FAT1: variants seen among roughly 807,000 people sequenced by gnomAD.
FAT1 encodes FAT atypical cadherin 1.
In FAT1, 171 loss-of-function variants were observed where a neutral mutation model predicts 329.8. That is an observed-to-expected ratio of 0.52 (90% CI 0.46 to 0.59). FAT1 has a LOEUF of 0.59. FAT1 is among the 20% of genes least tolerant of loss of function. The pLI, the probability that FAT1 is intolerant of heterozygous loss-of-function variation, is 0.00. For missense variants in FAT1, 5,672 were observed against 5,774.4 expected, an observed-to-expected ratio of 0.98 and a Z score of 0.57; for synonymous variants, 2,233 against 2,228.6, an observed-to-expected ratio of 1.00 and a Z score of -0.06.
Position 186,709,193 on chromosome 4 carries a change from T to A in FAT1, c.635A>T (p.Tyr212Phe), listed in dbSNP as rs61747592. 1.6e-4 allele frequency: 261 copies of A among 1,613,978 alleles called. No individual in the cohort carries two copies. In the African/African-American group the frequency reaches 3.2e-3, roughly 20 times the overall value. ...CATCTCATAGAGCTTGGTCTCTAGGTAATCAAGTCTACCAGTTAACACTAT... is the reference window on the plus strand; with the variant it reads ...CATCTCATAGAGCTTGGTCTCTAGGAAATCAAGTCTACCAGTTAACACTAT... The part of the protein sequence containing the change: ...GVIVLTGRLD[Y>F]LETKLYEMEI... The change falls in exon 2 of 27, where the codon TAC becomes TTC. Residue 212 changes from tyrosine to phenylalanine, a missense_variant. Physicochemically the swap from Tyr to Phe is conservative, Grantham distance 22. This residue lies in a region of FAT1 where 3,966 missense variants were observed against 3,915.2 expected (regional missense o/e 1.01). Coordinates refer to ENST00000441802, the MANE Select transcript of FAT1 (RefSeq NM_005245.4).
chr4:186,633,644 C>A (rs764183489), intron 7 of FAT1, 40 bp downstream of exon 7: 18 of 1,611,686 alleles, frequency 1.1e-5, no homozygotes, highest in Non-Finnish European at 1.5e-5. Context: ...ACGTTATCTC[C>A]ATCCTCCTCT....
At chr4:186,698,987 C>G (rs1356396235) in intron 2 of FAT1, among the ~76,000 whole-genome samples, 1 of 152,228 alleles carries the variant, frequency 6.6e-6, no homozygotes, top group Non-Finnish European at 1.5e-5. Flanking sequence ...ATATTTCCAT[C>G]ATTTGTCGTG....
chr4:186,611,461 C>A lies in FAT1; in HGVS notation c.9778G>T (p.Glu3260Ter), dbSNP rs2126466997. ...GAGTAGGTGATTTCTGCATTTGCTT[C>A]AATATCCCGACTTGCTGCATACACT... ...LQVYAASRDIEANAEITYSII... is the reference protein window; with the variant it reads ...LQVYAASRDI Residue 3260 changes from glutamate (E) to a stop codon, truncating the protein, a stop_gained, in exon 14 of 27, where the codon GAA (glutamate) becomes TAA (stop). Coordinates refer to ENST00000441802, the MANE Select transcript of FAT1 (RefSeq NM_005245.4). LOFTEE classifies it high-confidence loss of function. 6.2e-7 allele frequency: 1 copy of A among 1,613,934 alleles called. No individual in the cohort carries two copies. Among genetic ancestry groups the A allele is most frequent in the Non-Finnish European group, 8.5e-7 (1 of 1,179,848 alleles).
At position 186,621,768 on chromosome 4, in the gene FAT1, A is replaced by G. The variant is rs34360279; in HGVS notation, c.4818T>C (p.Ile1606=). The G allele has an allele frequency of 7.6e-3, 11,783 of 1,559,026 alleles. 49 individuals carry two copies. The highest frequency in any genetic ancestry group is 8.7e-3 in the Non-Finnish European group (9,996 of 1,154,064). Reference sequence around the variant, plus strand: ...CAGGATCAATCATAAAAGAATTTCCAATATTTCCTGGAAGGAGAGGAAAAA... The same window carrying G: ...CAGGATCAATCATAAAAGAATTTCCGATATTTCCTGGAAGGAGAGGAAAAA... ...EVLYSIESGN[I]GNSFMIDPVL... Residue 1606 remains isoleucine, a synonymous_variant, in exon 10 of 27, where the codon ATT becomes ATC. Coordinates refer to ENST00000441802, the MANE Select transcript of FAT1 (RefSeq NM_005245.4).
intron 1 of FAT1, among the ~76,000 whole-genome samples, chr4:186,710,076 G>C (rs1389021298): frequency 6.6e-6 from 1 of 151,978 alleles, no homozygotes; most frequent in Non-Finnish European, 1.5e-5. Flanking sequence ...GAACGACAAG[G>C]TCCTCTCTTT....
At position 186,619,778 on chromosome 4, in the gene FAT1, C is replaced by T. The variant is rs200538725; in HGVS notation, c.6808G>A (p.Asp2270Asn). The T allele has an allele frequency of 4.2e-5, 67 of 1,613,862 alleles. No homozygotes were observed. The highest frequency in any genetic ancestry group is 5.5e-5 in the Non-Finnish European group (65 of 1,179,898). Reference sequence around the variant, plus strand: ...TCATTGATGTCGTCTACTATGATGTCCACAAATACTTCAGCATGAGCGCCC... The same window carrying T: ...TCATTGATGTCGTCTACTATGATGTTCACAAATACTTCAGCATGAGCGCCC... The part of the protein sequence containing the change: ...LTGAHAEVFV[D>N]IIVDDINDNP... The change falls in exon 10 of 27, where the codon GAC becomes AAC. Residue 2270 changes from aspartate (D) to asparagine (N), a missense_variant. By Grantham distance (23) the Asp-to-Asn change is conservative (BLOSUM62 1). This residue lies in a region of FAT1 where 3,966 missense variants were observed against 3,915.2 expected (regional missense o/e 1.01). Coordinates refer to ENST00000441802, the MANE Select transcript of FAT1 (RefSeq NM_005245.4).
At chr4:186,694,024 C>T (rs770450167) in intron 2 of FAT1, among the ~76,000 whole-genome samples, 5 of 152,144 alleles carry the variant, frequency 3.3e-5, no homozygotes, top group Non-Finnish European at 5.9e-5. Flanking sequence ...CAACCACCAT[C>T]TTCCTATTTC....
Position 186,617,024 on chromosome 4 carries a change from T to C in FAT1, c.9056A>G (p.Asn3019Ser). 1 of 1,613,526 alleles carries C rather than the reference T, an allele frequency of 6.2e-7. No individual in the cohort carries two copies. The highest frequency in any genetic ancestry group is 8.5e-7 in the Non-Finnish European group (1 of 1,179,758). The change falls in exon 11 of 27, where the codon AAC (asparagine) becomes AGC (serine). Residue 3019 changes from asparagine (N) to serine (S), a missense_variant. Around this residue, in one of 2 missense-constraint regions of FAT1, gnomAD observed 3,966 missense variants for 3,915.2 expected, o/e 1.01. Transcript: ENST00000441802. ...VEVKVLDAND[N>S]SPVCEKTLYS... ...GCTTACCTTTTCACAAACTGGACTG[T>C]TGTCATTTGCATCCAGAACTTTCAC...
At position 186,706,653 on chromosome 4, in the gene FAT1, G is replaced by GA; in HGVS notation, c.3174dup (p.His1059SerfsTer2). ...CCATCTCTTCTGGCGTCCTCATCAT[G>GA]AGCCGACACCGTCATTACCAATGAA... On this transcript the variant is annotated frameshift_variant, in exon 2 of 27. Coordinates refer to ENST00000441802, the MANE Select transcript of FAT1 (RefSeq NM_005245.4). LOFTEE classifies it high-confidence loss of function. The GA allele has an allele frequency of 6.2e-7, 1 of 1,613,958 alleles. No individual in the cohort carries two copies. The highest frequency in any genetic ancestry group is 1.1e-5 in the South Asian group (1 of 91,072).
chr4:186,651,091 T>C (rs935943920), intron 3 of FAT1, among the ~76,000 whole-genome samples: 2 of 149,052 alleles, frequency 1.3e-5, no homozygotes, highest in African/African-American at 4.9e-5. Context: ...AATTATTTGA[T>C]GCTTCATTAT....
intron 2 of FAT1, among the ~76,000 whole-genome samples, chr4:186,670,721 T>A (rs1742686068): frequency 6.6e-6 from 1 of 152,172 alleles, no homozygotes; most frequent in Non-Finnish European, 1.5e-5. Context: ...CAAAGAATTG[T>A]TACGTGTTTG....
intron 3 of FAT1, among the ~76,000 whole-genome samples, chr4:186,654,915 C>CA (rs200887568): frequency 0.27 from 36,432 of 134,418 alleles, 5,115 homozygotes; most frequent in East Asian, 0.48. Flanking sequence ...TCTCGAAAAA[C>CA]AAAAAAAAAA....
intron 11 of FAT1, among the ~76,000 whole-genome samples, chr4:186,616,585 T>C (rs1359609914): frequency 6.6e-6 from 1 of 152,124 alleles, no homozygotes; most frequent in Non-Finnish European, 1.5e-5. Context: ...GCCGCGCAGA[T>C]GCAGGAAGCA....
intron 2 of FAT1, among the ~76,000 whole-genome samples, chr4:186,674,409 CTCCAGAG>C (rs1169560345): frequency 6.6e-6 from 1 of 152,214 alleles, no homozygotes; most frequent in African/African-American, 2.4e-5. Context: ...GGCTGACTGG[CTCCAGAG>C]TCCACACATA....
upstream of FAT1, among the ~76,000 whole-genome samples, chr4:186,724,051 C>T (rs1218797850): frequency 6.6e-6 from 1 of 151,634 alleles, no homozygotes; most frequent in Non-Finnish European, 1.5e-5. This position sits in a 1 kb window ranked among gnomAD's most constrained non-coding sequence, Gnocchi z 5.3. Context: ...GAGAAGGCGC[C>T]CAGCGGGGTC....
intron 2 of FAT1, among the ~76,000 whole-genome samples, chr4:186,682,811 A>G (rs1384074650): frequency 6.6e-6 from 1 of 152,194 alleles, no homozygotes; most frequent in Admixed American, 6.5e-5. Context: ...GACTACAAAC[A>G]CCACTGAGGG....
chr4:186,601,508 A>T, intron 20 of FAT1, 82 bp from the exon 21 acceptor site: 1 of 1,107,304 alleles, frequency 9.0e-7, no homozygotes, highest in Non-Finnish European at 1.3e-6. Context: ...GCACCCCTTG[A>T]GACTGATTTA....
intron 11 of FAT1, among the ~76,000 whole-genome samples, chr4:186,616,640 C>A (rs1739726980): frequency 6.6e-6 from 1 of 152,158 alleles, no homozygotes; most frequent in Non-Finnish European, 1.5e-5. Context: ...AGAGCAGATG[C>A]CCCCAAAACA....
rs1738586098 is a variant in FAT1 at position 186,597,400 on chromosome 4, A to C, written c.12369-229T>G. 6.8e-6 allele frequency: 4 copies of C among 590,618 alleles called. No individual in the cohort carries two copies. In the South Asian group the frequency reaches 7.1e-5, roughly 10 times the overall value. The allele number at this position is 590,618 out of a possible 1,614,324, so 36.6% of individuals were successfully genotyped here. A position where few individuals can be genotyped will look rare whatever the true frequency, so the allele number is the denominator to read the frequency against. ...TTTGATGTATATTTGGGAAGGAAAC[A>C]TATCAAGCCAATATTAATGGCCATT... On this transcript the variant is annotated intron_variant, in intron 24 of 26. Coordinates refer to ENST00000441802, the MANE Select transcript of FAT1 (RefSeq NM_005245.4).
Sources: gnomAD v4.1 joint callset for allele counts (sites outside exome capture counted in the v4.1 genomes callset) on GRCh38, gnomAD v4.1.1 for gene constraint, gnomAD v4.1.1 regional missense constraint, Gnocchi (gnomAD v3.1) non-coding constraint, MANE v1.5 for transcripts, NCBI Gene and HGNC (gene_info 2026-07-23, HGNC 2026-07-21) for gene names.